Variants in LRRC66 observed in about 807,000 individuals in gnomAD.
LRRC66 encodes leucine rich repeat containing 66.
In LRRC66, 29 loss-of-function variants were observed where a neutral mutation model predicts 24.6. The observed-to-expected ratio is 1.18, with a 90% CI of 0.88 to 1.61. LRRC66 has a LOEUF of 1.61. Among genes scored for constraint, LRRC66 ranks in the 40% most tolerant of loss-of-function variants. The pLI, the probability that LRRC66 is intolerant of heterozygous loss-of-function variation, is 0.00. For missense variants in LRRC66, 1,124 were observed against 1,058.0 expected, an observed-to-expected ratio of 1.06 and a Z score of -0.87; for synonymous variants, 411 against 397.6, an observed-to-expected ratio of 1.03 and a Z score of -0.40.
chr4:51,995,375 A>C lies in LRRC66; in HGVS notation c.1647T>G (p.Ser549Arg), dbSNP rs746480164. ...YETVAQEEPLSAHSVGVSSVA... is the reference protein window; with the variant it reads ...YETVAQEEPLRAHSVGVSSVA... ...CAGAAGAGACGCCCACTGAATGTGC[A>C]CTGAGAGGCTCTTCCTGGGCCACAG... The change falls in exon 5 of 5, where the codon AGT (serine) becomes AGG (arginine). Residue 549 changes from serine (S) to arginine (R), a missense_variant. Ser to Arg is a moderately radical substitution (Grantham distance 110, BLOSUM62 -1). Coordinates refer to ENST00000682860, the MANE Select transcript of LRRC66 (RefSeq NM_001024611.3). The C allele has an allele frequency of 1.9e-6, 3 of 1,614,208 alleles. No individual in the cohort carries two copies. Among genetic ancestry groups the C allele is most frequent in the Admixed American group, 1.7e-5 (1 of 60,026 alleles).
chr4:51,994,928 C>G lies in LRRC66; in HGVS notation c.2094G>C (p.Glu698Asp). Residue 698 changes from glutamate (E) to aspartate (D), a missense_variant, in exon 5 of 5, where the codon GAG becomes GAC. By Grantham distance (45) the Glu-to-Asp change is conservative (BLOSUM62 2). Transcript: ENST00000682860. ...QKSTPSDTCC[E>D]LESDCDSDEG... ...CATCAGAGTCACAGTCACTCTCCAACTCACAGCAAGTGTCAGAAGGAGTGG... is the reference window on the plus strand; with the variant it reads ...CATCAGAGTCACAGTCACTCTCCAAGTCACAGCAAGTGTCAGAAGGAGTGG... The G allele has an allele frequency of 6.2e-7, 1 of 1,614,196 alleles. No individual in the cohort carries two copies. The highest frequency in any genetic ancestry group is 8.5e-7 in the Non-Finnish European group (1 of 1,180,044).
At chr4:51,996,628 A>T (rs1003398921) in intron 4 of LRRC66, among the ~76,000 whole-genome samples, 4 of 152,208 alleles carry the variant, frequency 2.6e-5, no homozygotes, top group Non-Finnish European at 5.9e-5. Flanking sequence ...TAAAGGGTAC[A>T]TTACATGATG....
At position 52,017,465 on chromosome 4, in the gene LRRC66, C is replaced by T; in HGVS notation, c.149G>A (p.Gly50Glu). 1 of 1,614,074 alleles carries T rather than the reference C, an allele frequency of 6.2e-7. No homozygotes were observed. Residue 50 changes from glycine to glutamate, a missense_variant, in exon 2 of 5, where the codon GGA becomes GAA. By Grantham distance (98) the Gly-to-Glu change is moderately conservative. Transcript: ENST00000682860. ...EYILTNCSFT[G>E]KCDIPVDISQ... Reference sequence around the variant, plus strand: ...TATGTCCACAGGTATATCACACTTTCCGGTAAAAGAACAATTTGTCAGAAT... The same window carrying T: ...TATGTCCACAGGTATATCACACTTTTCGGTAAAAGAACAATTTGTCAGAAT...
rs1223586695 is a variant in LRRC66 at position 51,995,936 on chromosome 4, C to A, written c.1086G>T (p.Val362=). Residue 362 remains valine (V), a synonymous_variant, in exon 5 of 5, where the codon GTG becomes GTT. Transcript: ENST00000682860. ...LPRSVRSTRD[V]QAAGKKEDAP... ...CGTCCTCTTTTTTGCCGGCAGCCTG[C>A]ACATCGCGGGTGCTTCTAACACTCC... 1 of 1,614,102 alleles carries A rather than the reference C, an allele frequency of 6.2e-7. No homozygotes were observed.
Position 51,994,303 on chromosome 4 carries a change from G to T in LRRC66, c.*76C>A. ...GTCTCCTTCAGGATCTTGTTGTGAA[G>T]GCTTTAGTTTTCCCCTGCCATGATC... On this transcript the variant is annotated 3_prime_UTR_variant, in exon 5 of 5. Transcript: ENST00000682860. The T allele has an allele frequency of 7.5e-7, 1 of 1,336,048 alleles. No individual in the cohort carries two copies. Among genetic ancestry groups the T allele is most frequent in the Non-Finnish European group, 1.0e-6 (1 of 982,368 alleles). The allele number at this position is 1,336,048 out of a possible 1,614,324, so 82.8% of individuals were successfully genotyped here. A position where few individuals can be genotyped will look rare whatever the true frequency, so the allele number is the denominator to read the frequency against.
chr4:51,995,510 T>C lies in LRRC66; in HGVS notation c.1512A>G (p.Ala504=). ...NTGAGSGNDG[A]VYSILQRHPH... The stretch of plus-strand genomic sequence containing the variant: ...GATGTCTCTGGAGAATGGAATAGAC[T>C]GCACCATCATTTCCACTTCCTGCCC... Residue 504 remains alanine, a synonymous_variant, in exon 5 of 5, where the codon GCA becomes GCG. Coordinates refer to ENST00000682860, the MANE Select transcript of LRRC66 (RefSeq NM_001024611.3). The C allele has an allele frequency of 6.2e-7, 1 of 1,614,196 alleles. No individual in the cohort carries two copies.
At chr4:52,001,186 A>T (rs895288717) in intron 3 of LRRC66, among the ~76,000 whole-genome samples, 1 of 152,358 alleles carries the variant, frequency 6.6e-6, no homozygotes, top group South Asian at 2.1e-4. Flanking sequence ...AGCTGGGATA[A>T]GTGCAATGAG....
At chr4:52,017,987 ACAGAG>A in intron 1 of LRRC66, 4 of 985,456 alleles carry the variant, frequency 4.1e-6, no homozygotes, top group Non-Finnish European at 4.8e-6. Context: ...GGCCATTAAT[ACAGAG>A]CAAAGTCTAT....
intron 2 of LRRC66, among the ~76,000 whole-genome samples, chr4:52,006,467 G>A (rs895821823): frequency 2.7e-5 from 4 of 149,890 alleles, no homozygotes; most frequent in Admixed American, 6.7e-5. Context: ...AACCAAACAC[G>A]GCATATTCTC....
chr4:51,994,347 A>T lies in LRRC66; in HGVS notation c.*32T>A. Reference sequence around the variant, plus strand: ...CATGATCTTTAAAAGAATATTGTTTAGAGCTGTGAATATTTCCTTAATGAA... The same window carrying T: ...CATGATCTTTAAAAGAATATTGTTTTGAGCTGTGAATATTTCCTTAATGAA... On this transcript the variant is annotated 3_prime_UTR_variant, in exon 5 of 5. Transcript: ENST00000682860. The T allele has an allele frequency of 6.4e-7, 1 of 1,551,864 alleles. No individual in the cohort carries two copies.
At chr4:52,007,800 T>G (rs1406233612) in intron 2 of LRRC66, among the ~76,000 whole-genome samples, 1 of 152,196 alleles carries the variant, frequency 6.6e-6, no homozygotes, top group African/African-American at 2.4e-5. Context: ...TGGCAGGGCT[T>G]GCTTTCTTGG....
intron 2 of LRRC66, among the ~76,000 whole-genome samples, chr4:52,005,504 T>C (rs927492198): frequency 2.0e-5 from 3 of 151,822 alleles, no homozygotes; most frequent in Non-Finnish European, 4.4e-5. Context: ...AAGGTGGTGC[T>C]TGAGCCCGGG....
chr4:52,004,872 T>C (rs1189503738), intron 2 of LRRC66, among the ~76,000 whole-genome samples: 2 of 152,226 alleles, frequency 1.3e-5, no homozygotes, highest in African/African-American at 4.8e-5. Flanking sequence ...CAGTCGGTGC[T>C]GAGGACAAGT....
Position 51,994,702 on chromosome 4 carries a change from C to T in LRRC66, c.2320G>A (p.Glu774Lys). The T allele has an allele frequency of 1.9e-6, 3 of 1,614,150 alleles. No individual in the cohort carries two copies. The highest frequency in any genetic ancestry group is 2.5e-6 in the Non-Finnish European group (3 of 1,180,004). ...TCTGGAGCAGAAATGAGAGGTTTTT[C>T]AAAGGGATCTTCTTGATTCTTGCAT... ...GKCKNQEDPF[E>K]KPLISAPDSG... Residue 774 changes from glutamate (E) to lysine (K), a missense_variant, in exon 5 of 5, where the codon GAA becomes AAA. Glu to Lys is a moderately conservative substitution (Grantham distance 56). Coordinates refer to ENST00000682860, the MANE Select transcript of LRRC66 (RefSeq NM_001024611.3).
intron 2 of LRRC66, among the ~76,000 whole-genome samples, chr4:52,014,963 G>C (rs28412744): frequency 6.6e-6 from 1 of 152,020 alleles, no homozygotes; most frequent in African/African-American, 2.4e-5. Flanking sequence ...GGAGGCAAAA[G>C]CTTAACTCAA....
intron 3 of LRRC66, among the ~76,000 whole-genome samples, chr4:51,998,408 T>G (rs1272099780): frequency 6.6e-6 from 1 of 152,166 alleles, no homozygotes; most frequent in Non-Finnish European, 1.5e-5. Flanking sequence ...ACCAGAAATC[T>G]TATTTATTTA....
intron 3 of LRRC66, among the ~76,000 whole-genome samples, chr4:52,000,335 C>T (rs757025250): frequency 3.9e-5 from 6 of 152,288 alleles, no homozygotes; most frequent in Non-Finnish European, 5.9e-5. Flanking sequence ...ATTACATACA[C>T]AAGGAGTATA....
chr4:52,016,351 T>C (rs1387619876), intron 2 of LRRC66, among the ~76,000 whole-genome samples: 3 of 152,176 alleles, frequency 2.0e-5, no homozygotes, highest in Non-Finnish European at 4.4e-5. Flanking sequence ...TAATGTCTTA[T>C]ATAAAGGAGG....
At chr4:52,005,204 G>T (rs1293288259) in intron 2 of LRRC66, among the ~76,000 whole-genome samples, 1 of 152,112 alleles carries the variant, frequency 6.6e-6, no homozygotes, top group Non-Finnish European at 1.5e-5. Context: ...TGCATTTCTG[G>T]CTTCTCTTAA....
Sources: allele counts gnomAD v4.1 joint callset (sites outside exome capture counted in the v4.1 genomes callset), GRCh38; gene constraint gnomAD v4.1.1; transcripts MANE v1.5; gene names NCBI Gene and HGNC (gene_info 2026-07-23, HGNC 2026-07-21).